The following FGF14 variants were observed in gnomAD, a reference collection of about 807,000 sequenced individuals.
FGF14 encodes fibroblast growth factor homologous factor 4.
A neutral mutation model predicts 25.5 loss-of-function variants in FGF14; 5 were observed. The ratio of observed to expected loss-of-function variants is 0.20; its 90% CI spans 0.10 to 0.41. The LOEUF is 0.41. FGF14 is among the 10% of genes least tolerant of loss of function. The probability of loss-of-function intolerance (pLI) is 1.00; values close to 1 mark genes in which losing one functional copy is unlikely to be tolerated. For missense variants in FGF14, 222 were observed against 320.1 expected (o/e 0.69, Z 2.34); for synonymous variants, 138 against 118.3 (o/e 1.17, Z -1.08).
intron 1 of FGF14, among the ~76,000 whole-genome samples, chr13:102,299,633 G>A (rs557916666): frequency 2.0e-5 from 3 of 152,154 alleles, no homozygotes; most frequent in African/African-American, 4.8e-5. Context: ...GCGGGAGGTG[G>A]AGAGGGAAAG....
chr13:102,129,833 TA>T (rs994996749), intron 1 of FGF14, among the ~76,000 whole-genome samples: 3 of 150,776 alleles, frequency 2.0e-5, no homozygotes, highest in African/African-American at 4.9e-5. Flanking sequence ...AGTATAATAA[TA>T]AAAAAAAAGA....
In FGF14 at chr13:102,263,203, C is replaced by T. The variant is rs1015633010; in HGVS notation, c.208+138268G>A. On this transcript the variant is annotated intron_variant, in intron 1 of 4. Coordinates refer to the FGF14 transcript ENST00000376131. ...TAACCCTAAAAGTCTTGTGAGAAGA[C>T]ATGGCGAGAAGCGCAGTCAAGCACA... 8 of 538,258 alleles carry T rather than the reference C, an allele frequency of 1.5e-5. No individual in the cohort carries two copies. The Admixed American group carries it at 1.8e-4, about 12-fold the overall frequency. The allele number at this position is 538,258 out of a possible 1,614,324, so 33.3% of individuals were successfully genotyped here.
At chr13:101,809,768 T>C (rs2041392785) in intron 3 of FGF14, among the ~76,000 whole-genome samples, 1 of 151,924 alleles carries the variant, frequency 6.6e-6, no homozygotes, top group Non-Finnish European at 1.5e-5. Flanking sequence ...AAATGGGTTA[T>C]GGGGTTGATT....
At chr13:102,120,458 C>A (rs1455758099) in intron 1 of FGF14, among the ~76,000 whole-genome samples, 2 of 152,142 alleles carry the variant, frequency 1.3e-5, no homozygotes, top group Non-Finnish European at 2.9e-5. Flanking sequence ...AAAGCTGGGA[C>A]CCAGGGACAC....
chr13:102,376,404 T>G (rs551315656), intron 1 of FGF14, among the ~76,000 whole-genome samples: 13 of 152,316 alleles, frequency 8.5e-5, no homozygotes, highest in African/African-American at 3.1e-4. Flanking sequence ...AGATATGTCT[T>G]TATTAGCAGT....
In FGF14 at chr13:102,034,189, A is replaced by G. The variant is rs892941953; in HGVS notation, c.209-158893T>C. On this transcript the variant is annotated intron_variant, in intron 1 of 4. Coordinates refer to the FGF14 transcript ENST00000376131. ...AATTTCCCTAGAGACTGTACCCTCC[A>G]GAAGCCCAGGACTCCGGGATACAAC... Among the ~76,000 whole-genome samples the G allele has an allele frequency of 3.3e-5, 5 of 152,148 alleles. No individual in the cohort carries two copies. The South Asian group carries it at 1.0e-3, about 32-fold the overall frequency.
At chr13:101,902,162 C>T (rs1036926169) in intron 1 of FGF14, among the ~76,000 whole-genome samples, 1 of 152,142 alleles carries the variant, frequency 6.6e-6, no homozygotes, top group Admixed American at 6.5e-5. Flanking sequence ...TACTTAGAGC[C>T]ACTCTGAGAT....
At chr13:101,883,880 T>C (rs1176889744) in intron 1 of FGF14, among the ~76,000 whole-genome samples, 2 of 151,382 alleles carry the variant, frequency 1.3e-5, no homozygotes, top group African/African-American at 2.4e-5. Context: ...TTGGCCTACA[T>C]GGTGAAACTC....
chr13:101,824,736 C>T lies in FGF14; in HGVS notation c.408+43989G>A, dbSNP rs922990769. 3.3e-5 allele frequency among the ~76,000 whole-genome samples: 5 copies of T among 152,282 alleles called. 1 individual carries two copies. The highest frequency in any genetic ancestry group is 2.6e-4 in the Admixed American group (4 of 15,306). Reference sequence around the variant, plus strand: ...AGCTGGTTGCCAGAGGAACCGACCACGTGATTTGAGGATTCCAGCTTTCGG... The same window carrying T: ...AGCTGGTTGCCAGAGGAACCGACCATGTGATTTGAGGATTCCAGCTTTCGG... On this transcript the variant is annotated intron_variant, in intron 3 of 4. Transcript: ENST00000376143.
chr13:101,869,427 G>C (rs1485104914), intron 2 of FGF14, among the ~76,000 whole-genome samples: 1 of 152,204 alleles, frequency 6.6e-6, no homozygotes, highest in African/African-American at 2.4e-5. Context: ...TCCATGTTTT[G>C]TTTCTTCTCT....
At chr13:102,135,017 CCACACACACA>C (rs71125050) in intron 1 of FGF14, among the ~76,000 whole-genome samples, 8,426 of 142,614 alleles carry the variant, frequency 0.059, 261 homozygotes, top group Middle Eastern at 0.16. Flanking sequence ...GACCCCGTGT[CCACACACACA>C]CACACACACA....
chr13:101,738,636 A>C (rs2036334663), intron 3 of FGF14, among the ~76,000 whole-genome samples: 1 of 152,096 alleles, frequency 6.6e-6, no homozygotes, highest in South Asian at 2.1e-4. Flanking sequence ...GAGAATGTCA[A>C]CCTGTGGGTT....
chr13:102,236,549 A>C (rs2051335435), intron 1 of FGF14, among the ~76,000 whole-genome samples: 1 of 152,168 alleles, frequency 6.6e-6, no homozygotes, highest in South Asian at 2.1e-4. Context: ...TGTCCCGGGA[A>C]GCCAAACAGT....
intron 1 of FGF14, among the ~76,000 whole-genome samples, chr13:102,267,139 T>G (rs1282509130): frequency 6.6e-6 from 1 of 152,204 alleles, no homozygotes; most frequent in South Asian, 2.1e-4. Context: ...TTTCTTTTTT[T>G]TGTAATTTTA....
chr13:102,270,014 A>G (rs2053172231), intron 1 of FGF14, among the ~76,000 whole-genome samples: 1 of 152,158 alleles, frequency 6.6e-6, no homozygotes, highest in Non-Finnish European at 1.5e-5. Context: ...AGTACCTAGT[A>G]CTGTGCCTGA....
At chr13:101,897,854 A>G (rs1378156072) in intron 1 of FGF14, among the ~76,000 whole-genome samples, 3 of 152,182 alleles carry the variant, frequency 2.0e-5, no homozygotes, top group Non-Finnish European at 4.4e-5. Flanking sequence ...GGTTATGCTC[A>G]AAGTAAATGT....
intron 1 of FGF14, among the ~76,000 whole-genome samples, chr13:102,103,444 G>GT (rs563751045): frequency 3.0e-3 from 387 of 128,768 alleles, no homozygotes; most frequent in African/African-American, 0.011. Context: ...ATAAGATTTT[G>GT]TTTTTTATGA....
chr13:101,760,081 T>C (rs1014542729), intron 3 of FGF14, among the ~76,000 whole-genome samples: 1 of 152,168 alleles, frequency 6.6e-6, no homozygotes, highest in Admixed American at 6.6e-5. Flanking sequence ...AATACAGTAC[T>C]AGCAACTAAA....
chr13:102,160,135 G>T (rs2047554101), intron 1 of FGF14, among the ~76,000 whole-genome samples: 1 of 152,110 alleles, frequency 6.6e-6, no homozygotes, highest in Non-Finnish European at 1.5e-5. Context: ...AAGAAGGGAA[G>T]GAAATAAGGG....
Sources: allele counts gnomAD v4.1 joint callset (sites outside exome capture counted in the v4.1 genomes callset), GRCh38; gene constraint gnomAD v4.1.1; transcripts MANE v1.5; gene names NCBI Gene and HGNC (gene_info 2026-07-23, HGNC 2026-07-21).